MYOCD: variants seen among roughly 807,000 people sequenced by gnomAD.
MYOCD encodes myocardin.
MYOCD carries 32 observed loss-of-function variants against 96.1 expected under a neutral mutation model. The ratio of observed to expected loss-of-function variants is 0.33; its 90% CI spans 0.25 to 0.45. MYOCD has a LOEUF of 0.45. Ranked by LOEUF, MYOCD falls within the 20% of genes least tolerant of loss-of-function variation. The pLI, the probability that MYOCD is intolerant of heterozygous loss-of-function variation, is 1.00. For synonymous variants in MYOCD, 469 were observed against 469.0 expected (o/e 1.00, Z 0.00); for missense variants, 1,133 against 1,200.6 (o/e 0.94, Z 0.83).
At chr17:12,749,446 T>C (rs540222365) in intron 9 of MYOCD, among the ~76,000 whole-genome samples, 115 of 151,768 alleles carry the variant, frequency 7.6e-4, no homozygotes, top group African/African-American at 2.5e-3. Context: ...GGGGAATTGC[T>C]TGAACCCAGG....
chr17:12,713,633 T>C (rs1464498924), intron 2 of MYOCD, among the ~76,000 whole-genome samples: 1 of 152,196 alleles, frequency 6.6e-6, no homozygotes, highest in Non-Finnish European at 1.5e-5. Context: ...GAGGTATTGA[T>C]ACAGATTGTG....
At chr17:12,757,609 G>A (rs1002514371) in intron 11 of MYOCD, among the ~76,000 whole-genome samples, 3 of 152,068 alleles carry the variant, frequency 2.0e-5, no homozygotes, top group Non-Finnish European at 2.9e-5. Flanking sequence ...CGATTCTTCC[G>A]CCTCAGCCTC....
chr17:12,762,941 G>A (rs897084799), intron 13 of MYOCD, 132 bp from the exon 14 acceptor site: 4 of 698,162 alleles, frequency 5.7e-6, no homozygotes, highest in Non-Finnish European at 9.6e-6. Context: ...GAGCAGCTTA[G>A]AGATGAGACT....
intron 1 of MYOCD, among the ~76,000 whole-genome samples, chr17:12,679,364 G>A (rs1179824462): frequency 6.6e-6 from 1 of 152,162 alleles, no homozygotes; most frequent in Non-Finnish European, 1.5e-5. Flanking sequence ...GGAATCCCTG[G>A]CTTAGTAGAA....
At chr17:12,727,396 G>A (rs1028606515) in intron 5 of MYOCD, among the ~76,000 whole-genome samples, 8 of 152,170 alleles carry the variant, frequency 5.3e-5, no homozygotes, top group Non-Finnish European at 1.0e-4. Flanking sequence ...TACAGAGAGC[G>A]CATTTAGAGA....
intron 4 of MYOCD, among the ~76,000 whole-genome samples, chr17:12,719,251 T>G (rs1285673726): frequency 1.4e-5 from 2 of 138,406 alleles, no homozygotes; most frequent in African/African-American, 2.7e-5. Context: ...AAAATAAGTA[T>G]CATGTGTGGC....
chr17:12,692,863 A>G (rs2030525055), intron 1 of MYOCD, among the ~76,000 whole-genome samples: 1 of 152,126 alleles, frequency 6.6e-6, no homozygotes, highest in Non-Finnish European at 1.5e-5. Context: ...CATAGCAATA[A>G]CCTTAATATT....
At position 12,719,134 on chromosome 17, in the gene MYOCD, C is replaced by T. The variant is rs78813872; in HGVS notation, c.253+1713C>T. ...AGGTTGCAGTGAGCTGAGATCGCGC[C>T]ACCGCACTCCAGCCGGGGCCACAGA... On this transcript the variant is annotated intron_variant, in intron 4 of 13. Transcript: ENST00000425538. 2.2e-5 allele frequency among the ~76,000 whole-genome samples: 3 copies of T among 138,706 alleles called. No homozygotes were observed. The East Asian group carries it at 6.3e-4, about 29-fold the overall frequency. The allele number at this position is 138,706 out of a possible 152,430, so 91.0% of individuals were successfully genotyped here.
In MYOCD at chr17:12,763,101, C is replaced by T. The variant is rs750416955; in HGVS notation, c.2418C>T (p.His806=). Residue 806 remains histidine, a synonymous_variant, in exon 14 of 14, where the codon CAC becomes CAT. Transcript: ENST00000425538. ...GEMPADARED[H]SCLQKVPKIP... is the part of the protein sequence containing the mutation. ...TGCCAGCAGACGCTAGAGAGGATCA[C>T]TCATGTCTTCAAAAAGTCCCAAAGA... is the stretch of plus-strand genomic sequence containing the variant. 1.5e-5 allele frequency: 25 copies of T among 1,613,366 alleles called. No individual in the cohort carries two copies. Among genetic ancestry groups the T allele is most frequent in the Non-Finnish European group, 2.0e-5 (24 of 1,179,802 alleles).
intron 5 of MYOCD, among the ~76,000 whole-genome samples, chr17:12,731,865 A>G (rs1422472285): frequency 2.0e-5 from 3 of 152,204 alleles, no homozygotes; most frequent in African/African-American, 7.2e-5. Context: ...GGTTTTTCCC[A>G]TCAACAGCGA....
At chr17:12,761,982 A>G (rs1351157062) in intron 13 of MYOCD, 1 of 152,328 alleles carries the variant, frequency 6.6e-6, no homozygotes, top group Non-Finnish European at 1.5e-5. Context: ...AGGATGCAGA[A>G]GGGGAGTGTG....
At chr17:12,691,161 A>G (rs1231239839) in intron 1 of MYOCD, among the ~76,000 whole-genome samples, 3 of 152,194 alleles carry the variant, frequency 2.0e-5, no homozygotes, top group Non-Finnish European at 2.9e-5. Context: ...TTTAAATAGA[A>G]AAGATCCATT....
At chr17:12,727,959 T>C (rs992823915) in intron 5 of MYOCD, among the ~76,000 whole-genome samples, 9 of 152,150 alleles carry the variant, frequency 5.9e-5, no homozygotes, top group African/African-American at 2.2e-4. Flanking sequence ...TTCATCACCC[T>C]AAAATGACAT....
rs780556970 is a variant in MYOCD at position 12,758,166 on chromosome 17, A to G, written c.2284A>G (p.Ile762Val). 4.3e-6 allele frequency: 7 copies of G among 1,614,200 alleles called. No homozygotes were observed. Among genetic ancestry groups the G allele is most frequent in the East Asian group, 2.2e-5 (1 of 44,876 alleles). The change falls in exon 12 of 14, where the codon ATT becomes GTT. Residue 762 changes from isoleucine to valine, a missense_variant. Coordinates refer to ENST00000425538, the MANE Select transcript of MYOCD (RefSeq NM_001146312.3). Reference protein sequence around the residue: ...SPTFSKSSSAISEVTQPPSYE... With the variant: ...SPTFSKSSSAVSEVTQPPSYE... ...AACTTTTTCTAAGTCAAGTTCAGCA[A>G]TTTCAGAGGTAACACAGCCTCCATC...
chr17:12,715,388 A>C, intron 2 of MYOCD, 131 bp from the exon 3 acceptor site: 1 of 622,258 alleles, frequency 1.6e-6, no homozygotes, highest in Non-Finnish European at 2.7e-6. Flanking sequence ...GTCCTCTCTC[A>C]TTGCTTGTGG....
chr17:12,706,705 T>C (rs1394982528), intron 2 of MYOCD, among the ~76,000 whole-genome samples: 1 of 152,176 alleles, frequency 6.6e-6, no homozygotes, highest in Non-Finnish European at 1.5e-5. Context: ...GCATACATTG[T>C]AAAATAACAC....
chr17:12,715,715 C>CT, intron 3 of MYOCD, 141 bp downstream of exon 3: 2 of 564,696 alleles, frequency 3.5e-6, no homozygotes, highest in East Asian at 6.1e-5. Context: ...CATGTGGAAT[C>CT]TTACTCCTAT....
intron 13 of MYOCD, chr17:12,762,697 A>T (rs12946954): frequency 0.47 from 83,439 of 177,738 alleles, 21,645 homozygotes; most frequent in Middle Eastern, 0.59. Context: ...CTGAGTTGTC[A>T]TCAGAAGCGG....
At position 12,747,868 on chromosome 17, in the gene MYOCD, A is replaced by T. The variant is rs1414048784; in HGVS notation, c.1125+1796A>T. 5.6e-5 allele frequency among the ~76,000 whole-genome samples: 4 copies of T among 71,372 alleles called. No individual in the cohort carries two copies. The East Asian group carries it at 1.5e-3, about 27-fold the overall frequency. The allele number at this position is 71,372 out of a possible 152,430, so 46.8% of individuals were successfully genotyped here. A position where few individuals can be genotyped will look rare whatever the true frequency, so the allele number is the denominator to read the frequency against. ...GTGGATAATTTTTTGGATCCTATTTAAAAAAAAAAAAAACTGGCTGGGCGT... is the reference window on the plus strand; with the variant it reads ...GTGGATAATTTTTTGGATCCTATTTTAAAAAAAAAAAAACTGGCTGGGCGT... On this transcript the variant is annotated intron_variant, in intron 9 of 13. Transcript: ENST00000425538.
Sources: gnomAD v4.1 joint callset for allele counts (sites outside exome capture counted in the v4.1 genomes callset) on GRCh38, gnomAD v4.1.1 for gene constraint, MANE v1.5 for transcripts, NCBI Gene and HGNC (gene_info 2026-07-23, HGNC 2026-07-21) for gene names.